NANS: variants seen among roughly 807,000 people sequenced by gnomAD.
NANS encodes the protein N-acetylneuraminate synthase, also known as N-acetylneuraminate-9-phosphate synthase.
In NANS, 29 loss-of-function variants were observed where a neutral mutation model predicts 33.3. The ratio of observed to expected loss-of-function variants is 0.87; its 90% CI spans 0.65 to 1.19. The LOEUF is 1.19. Among genes scored for constraint, NANS ranks in the 50% most tolerant of loss-of-function variants. The probability of loss-of-function intolerance (pLI) is 0.00; values close to 1 mark genes in which losing one functional copy is unlikely to be tolerated. For missense variants in NANS, 394 were observed against 461.1 expected, an observed-to-expected ratio of 0.85 and a Z score of 1.33; for synonymous variants, 163 against 177.2, an observed-to-expected ratio of 0.92 and a Z score of 0.64.
In NANS at chr9:98,082,524, G is replaced by A. The variant is rs62575599; in HGVS notation, c.871-322G>A. Among the ~76,000 whole-genome samples the A allele has an allele frequency of 2.5e-4, 38 of 152,174 alleles. 1 individual carries two copies. Among genetic ancestry groups the A allele is most frequent in the South Asian group, 4.1e-4 (2 of 4,836 alleles). On this transcript the variant is annotated intron_variant, in intron 5 of 5. Transcript: ENST00000210444. ...CACCAATCCTTACAGTCATCTGACA[G>A]GATAAGTTTCCATTTGACAGAGAAA...
At chr9:98,064,083 C>T (rs1829063576) in intron 2 of NANS, among the ~76,000 whole-genome samples, 1 of 152,184 alleles carries the variant, frequency 6.6e-6, no homozygotes, top group Non-Finnish European at 1.5e-5. Context: ...ACATGCAGCT[C>T]AGGCCAGAGG....
chr9:98,079,381 G>T (rs921293945), intron 4 of NANS, among the ~76,000 whole-genome samples: 1 of 152,062 alleles, frequency 6.6e-6, no homozygotes, highest in African/African-American at 2.4e-5. Flanking sequence ...TATTGCAGTT[G>T]TTTTCCTTTT....
chr9:98,072,661 G>A (rs1014794147), intron 2 of NANS, among the ~76,000 whole-genome samples: 1 of 152,026 alleles, frequency 6.6e-6, no homozygotes, highest in African/African-American at 2.4e-5. Flanking sequence ...CACCCACCTC[G>A]GCCTCCCAAA....
At chr9:98,060,262 G>A (rs998036793) in intron 1 of NANS, among the ~76,000 whole-genome samples, 11 of 152,184 alleles carry the variant, frequency 7.2e-5, no homozygotes, top group African/African-American at 2.2e-4. Flanking sequence ...AAAAAAATAG[G>A]GGGAGGTCTC....
intron 3 of NANS, among the ~76,000 whole-genome samples, chr9:98,077,458 C>A (rs1829642283): frequency 6.6e-6 from 1 of 151,668 alleles, no homozygotes; most frequent in African/African-American, 2.4e-5. Flanking sequence ...GATCCTCCTA[C>A]TTCAGCCTCC....
rs552818910 is a variant in NANS, at chr9:98,080,747, C to T, written c.604-69C>T. The stretch of plus-strand genomic sequence containing the variant: ...GGCTAAACCGGGGCTCAACCAGATA[C>T]GCTTCACCTGGAGAATATGCATAAA... On this transcript the variant is annotated intron_variant, in intron 4 of 5. Coordinates refer to ENST00000210444, the MANE Select transcript of NANS (RefSeq NM_018946.4). 355 of 1,503,694 alleles carry T rather than the reference C, an allele frequency of 2.4e-4. 3 individuals are homozygous for T. The highest frequency in any genetic ancestry group is 1.1e-4 in the African/African-American group (8 of 71,864). The allele number at this position is 1,503,694 out of a possible 1,614,324, so 93.1% of individuals were successfully genotyped here. A position where few individuals can be genotyped will look rare whatever the true frequency, so the allele number is the denominator to read the frequency against.
chr9:98,078,264 C>T lies in NANS; in HGVS notation c.520C>T (p.Pro174Ser), dbSNP rs115305859. 8.4e-4 allele frequency: 1,352 copies of T among 1,614,070 alleles called. 6 individuals are homozygous for T. The African/African-American group carries it at 0.015, about 18-fold the overall frequency. ...TMKQVYQIVKPLNPNFCFLQC... is the reference protein window; with the variant it reads ...TMKQVYQIVKSLNPNFCFLQC... ...GAAGCAAGTTTATCAGATCGTGAAG[C>T]CCCTCAACCCCAACTTCTGCTTCTT... The change falls in exon 4 of 6, where the codon CCC becomes TCC. Residue 174 changes from proline (P) to serine (S), a missense_variant. Transcript: ENST00000210444.
chr9:98,058,245 G>C (rs1459540735), intron 1 of NANS, among the ~76,000 whole-genome samples: 1 of 152,000 alleles, frequency 6.6e-6, no homozygotes, highest in Non-Finnish European at 1.5e-5. Flanking sequence ...CTGGTTTTAT[G>C]GAAACCTAAT....
At chr9:98,080,699 C>T (rs1363751949) in intron 4 of NANS, 117 bp from the exon 5 acceptor site, 2 of 1,162,150 alleles carry the variant, frequency 1.7e-6, no homozygotes, top group East Asian at 5.1e-5. Context: ...AGTATCTTGC[C>T]CCTGGCTGCA....
chr9:98,076,657 C>A (rs1326633111), intron 2 of NANS: 1 of 411,648 alleles, frequency 2.4e-6, no homozygotes, highest in Non-Finnish European at 4.3e-6. Context: ...TGAGCCACCA[C>A]GCCCAGCCCT....
chr9:98,077,069 T>G (rs1442798087), intron 3 of NANS, 52 bp downstream of exon 3: 1 of 1,368,382 alleles, frequency 7.3e-7, no homozygotes. Context: ...ACCTTCATAT[T>G]TTTACTCCCC....
chr9:98,069,505 C>T (rs1018167636), intron 2 of NANS: 5 of 152,202 alleles, frequency 3.3e-5, no homozygotes, highest in African/African-American at 1.2e-4. Context: ...AACTCCTGAC[C>T]TTGTGATCCA....
At chr9:98,077,582 G>A (rs907216429) in intron 3 of NANS, among the ~76,000 whole-genome samples, 4 of 152,096 alleles carry the variant, frequency 2.6e-5, no homozygotes, top group Non-Finnish European at 5.9e-5. Flanking sequence ...GCTGGGTATG[G>A]TGGTGCATTA....
chr9:98,079,859 C>G (rs1472478301), intron 4 of NANS, among the ~76,000 whole-genome samples: 1 of 152,244 alleles, frequency 6.6e-6, no homozygotes, highest in Non-Finnish European at 1.5e-5. Context: ...CGCACTCCAT[C>G]ACACACCCTT....
intron 2 of NANS, among the ~76,000 whole-genome samples, chr9:98,065,652 T>TC (rs921547175): frequency 4.0e-5 from 6 of 150,956 alleles, no homozygotes; most frequent in African/African-American, 1.5e-4. Flanking sequence ...TTTTTTTTTT[T>TC]CCCCCTGGAG....
At chr9:98,068,336 C>T (rs796382008) in intron 2 of NANS, among the ~76,000 whole-genome samples, 9 of 152,124 alleles carry the variant, frequency 5.9e-5, no homozygotes, top group African/African-American at 1.9e-4. Flanking sequence ...GATGGAGTTT[C>T]ACCTTGTTGG....
intron 2 of NANS, chr9:98,061,306 A>C: frequency 3.4e-6 from 1 of 296,538 alleles, no homozygotes; most frequent in Non-Finnish European, 6.6e-6. Context: ...GTGAAACCCC[A>C]TCTCTACTAA....
rs1176164751 is a variant in NANS, at chr9:98,078,204, G to A, written c.460G>A (p.Val154Met). ...GCTGGATTACTCAGGTCGCCCAATG[G>A]TGATCTCCAGTGGGATGCAGTCAAT... ...EKTAKKGRPM[V>M]ISSGMQSMDT... Residue 154 changes from valine to methionine, a missense_variant, in exon 4 of 6, where the codon GTG becomes ATG. Physicochemically the swap from Val to Met is conservative, Grantham distance 21. Coordinates refer to ENST00000210444, the MANE Select transcript of NANS (RefSeq NM_018946.4). 11 of 1,614,204 alleles carry A rather than the reference G, an allele frequency of 6.8e-6. No individual in the cohort carries two copies. In the South Asian group the frequency reaches 1.2e-4, roughly 18 times the overall value.
At chr9:98,063,257 G>A (rs1829039086) in intron 2 of NANS, among the ~76,000 whole-genome samples, 1 of 147,910 alleles carries the variant, frequency 6.8e-6, no homozygotes, top group African/African-American at 2.5e-5. Context: ...TTGTTTGCTT[G>A]TTTTGAGACA....
Sources: gnomAD v4.1 joint callset for allele counts (sites outside exome capture counted in the v4.1 genomes callset) on GRCh38, gnomAD v4.1.1 for gene constraint, MANE v1.5 for transcripts, NCBI Gene and HGNC (gene_info 2026-07-23, HGNC 2026-07-21) for gene names.